Variants in RBFOX1 observed in about 807,000 individuals in gnomAD.
RBFOX1 encodes RNA binding fox-1 homolog 1.
Under a neutral mutation model 57.7 loss-of-function variants are expected in RBFOX1, and 8 were observed. The observed-to-expected ratio is 0.14, with a 90% CI of 0.08 to 0.25. The LOEUF (loss-of-function observed/expected upper bound fraction) is 0.25, where lower values mean the gene tolerates loss of function less well. Among genes scored for constraint, RBFOX1 ranks in the 10% least tolerant of loss-of-function variants. The probability of loss-of-function intolerance (pLI) is 1.00; values close to 1 mark genes in which losing one functional copy is unlikely to be tolerated. For synonymous variants in RBFOX1, 326 were observed against 222.4 expected (o/e 1.47, Z -4.15); for missense variants, 611 against 548.5 (o/e 1.11, Z -1.14).
At chr16:6,953,437 G>C (rs1178388874) in intron 3 of RBFOX1, among the ~76,000 whole-genome samples, 1 of 151,990 alleles carries the variant, frequency 6.6e-6, no homozygotes, top group Non-Finnish European at 1.5e-5. Context: ...CCAATGCTGG[G>C]TACAGTGGTG....
chr16:6,901,141 C>G (rs190154427), intron 3 of RBFOX1, among the ~76,000 whole-genome samples: 4 of 152,270 alleles, frequency 2.6e-5, no homozygotes, highest in African/African-American at 9.6e-5. Context: ...TCCTGTTAGA[C>G]TGTCTCTTTC....
At chr16:5,325,521 T>C (rs2064544604) in intron 1 of RBFOX1, among the ~76,000 whole-genome samples, 2 of 152,210 alleles carry the variant, frequency 1.3e-5, no homozygotes, top group Admixed American at 1.3e-4. Context: ...GATTTGCATA[T>C]CTATCACTAT....
chr16:7,014,060 G>C (rs533483196), intron 3 of RBFOX1, among the ~76,000 whole-genome samples: 102 of 152,290 alleles, frequency 6.7e-4, no homozygotes, highest in African/African-American at 2.4e-3. Context: ...TATTCACTCA[G>C]TATATTAAAA....
intron 3 of RBFOX1, among the ~76,000 whole-genome samples, chr16:5,724,907 T>C (rs1251053387): frequency 6.6e-6 from 1 of 152,226 alleles, no homozygotes; most frequent in Admixed American, 6.5e-5. Flanking sequence ...CTGTGATTCC[T>C]GCCACGTAGT....
In RBFOX1 at chr16:6,019,141, C is replaced by CT; in HGVS notation, c.-975dup. On this transcript the variant is annotated 5_prime_UTR_variant, in exon 1 of 16. The change abolishes the stop of an existing upstream ORF in the 5' untranslated region. Coordinates refer to ENST00000550418, the MANE Select transcript of RBFOX1 (RefSeq NM_018723.4). This position sits in a 1 kb window ranked among gnomAD's most constrained non-coding sequence, Gnocchi z 4.2. ...TTTTCTCGCGCTCTCTCCGGCTCTCCTTTGTTTATTTTCTAATCTATATTT... is the reference window on the plus strand; with the variant it reads ...TTTTCTCGCGCTCTCTCCGGCTCTCCTTTTGTTTATTTTCTAATCTATATTT... The CT allele has an allele frequency of 6.1e-6, 6 of 985,142 alleles. No homozygotes were observed. Among genetic ancestry groups the CT allele is most frequent in the Non-Finnish European group, 7.2e-6 (6 of 829,942 alleles). The allele number at this position is 985,142 out of a possible 1,614,324, so 61.0% of individuals were successfully genotyped here.
intron 1 of RBFOX1, among the ~76,000 whole-genome samples, chr16:5,424,939 CTCT>C (rs1567490187): frequency 3.9e-4 from 27 of 68,812 alleles, no homozygotes; most frequent in Non-Finnish European, 5.1e-4. Flanking sequence ...TTCTTTCTCT[CTCT>C]TCTTTCTTCC....
intron 3 of RBFOX1, among the ~76,000 whole-genome samples, chr16:6,897,873 C>T (rs1221104861): frequency 6.6e-6 from 1 of 152,166 alleles, no homozygotes; most frequent in Non-Finnish European, 1.5e-5. Flanking sequence ...TCTGTCCCTT[C>T]ATACCCTATA....
intron 2 of RBFOX1, among the ~76,000 whole-genome samples, chr16:5,586,598 A>C (rs2046836344): frequency 6.6e-6 from 1 of 152,174 alleles, no homozygotes; most frequent in African/African-American, 2.4e-5. Flanking sequence ...CCTGGGCTCA[A>C]GCAATCTCCC....
intron 3 of RBFOX1, among the ~76,000 whole-genome samples, chr16:6,970,419 G>T (rs9924821): frequency 5.9e-5 from 9 of 152,126 alleles, no homozygotes; most frequent in African/African-American, 2.2e-4. Flanking sequence ...AGTCTGCTCA[G>T]GCTGCTACAT....
At chr16:5,370,126 G>A (rs552894027) in intron 1 of RBFOX1, among the ~76,000 whole-genome samples, 35 of 152,256 alleles carry the variant, frequency 2.3e-4, no homozygotes, top group African/African-American at 7.9e-4. Flanking sequence ...ACCTGCTCTT[G>A]TGCATGTTCA....
intron 11 of RBFOX1, among the ~76,000 whole-genome samples, chr16:7,634,161 AC>A (rs2061401735): frequency 6.6e-6 from 1 of 152,174 alleles, no homozygotes; most frequent in Non-Finnish European, 1.5e-5. Context: ...AGCTGAGGCT[AC>A]CATACTTTTC....
chr16:6,844,274 A>T (rs745798528), intron 3 of RBFOX1, among the ~76,000 whole-genome samples: 1 of 151,932 alleles, frequency 6.6e-6, no homozygotes, highest in Non-Finnish European at 1.5e-5. Flanking sequence ...GTACCATGGC[A>T]GTTTGCTGCA....
intron 1 of RBFOX1, among the ~76,000 whole-genome samples, chr16:6,072,791 T>G (rs1455120258): frequency 6.6e-6 from 1 of 152,104 alleles, no homozygotes; most frequent in Non-Finnish European, 1.5e-5. Context: ...CATGTTAAGA[T>G]CTCATAGTAA....
At chr16:5,618,609 T>A (rs1341954833) in intron 3 of RBFOX1, among the ~76,000 whole-genome samples, 1 of 152,214 alleles carries the variant, frequency 6.6e-6, no homozygotes, top group Non-Finnish European at 1.5e-5. Flanking sequence ...AGTGCTGGGA[T>A]CACAGGCGTG....
At chr16:5,505,218 C>T (rs1432935784) in intron 2 of RBFOX1, among the ~76,000 whole-genome samples, 1 of 152,184 alleles carries the variant, frequency 6.6e-6, no homozygotes, top group Non-Finnish European at 1.5e-5. Flanking sequence ...CCCCCTTCTC[C>T]TCTACTTAAA....
rs143351730 is a variant in RBFOX1 at position 5,446,887 on chromosome 16, C to T, written c.220-20329C>T. ...GATGTAGGCTGACATCCCAGCTTCC[C>T]TAGGAAGTGGTCTTTTCTCCCTGAG... On this transcript the variant is annotated intron_variant, in intron 1 of 2. Transcript: ENST00000585867. 5.4e-3 allele frequency among the ~76,000 whole-genome samples: 816 copies of T among 152,122 alleles called. 3 individuals are homozygous for T. The highest frequency in any genetic ancestry group is 0.019 in the African/African-American group (783 of 41,502).
At chr16:6,217,574 T>C (rs1360333410) in intron 1 of RBFOX1, among the ~76,000 whole-genome samples, 2 of 152,236 alleles carry the variant, frequency 1.3e-5, no homozygotes, top group African/African-American at 2.4e-5. Context: ...GTGCGCCTCC[T>C]GTCCCAGGCC....
At chr16:6,689,396 G>T (rs1307848350) in intron 3 of RBFOX1, among the ~76,000 whole-genome samples, 1 of 151,990 alleles carries the variant, frequency 6.6e-6, no homozygotes, top group East Asian at 1.9e-4. Flanking sequence ...TATTTGATGT[G>T]GGCAATAGAT....
At chr16:7,218,566 G>A (rs889515634) in intron 4 of RBFOX1, among the ~76,000 whole-genome samples, 2 of 151,052 alleles carry the variant, frequency 1.3e-5, no homozygotes, top group Non-Finnish European at 2.9e-5. Context: ...GAGGTAAAAA[G>A]TTTTTTTGAG....
Sources: gnomAD v4.1 joint callset for allele counts (sites outside exome capture counted in the v4.1 genomes callset) on GRCh38, gnomAD v4.1.1 for gene constraint, Gnocchi (gnomAD v3.1) non-coding constraint, MANE v1.5 for transcripts, NCBI Gene and HGNC (gene_info 2026-07-23, HGNC 2026-07-21) for gene names.